The following CATSPERB variants were observed in gnomAD, a reference collection of about 807,000 sequenced individuals.
CATSPERB encodes the protein cation channel sperm-associated auxiliary subunit beta.
A neutral mutation model predicts 128.3 loss-of-function variants in CATSPERB; 93 were observed. The observed-to-expected ratio is 0.72, with a 90% CI of 0.61 to 0.86. The LOEUF (loss-of-function observed/expected upper bound fraction) is 0.86. Among genes scored for constraint, CATSPERB ranks in the 40% least tolerant of loss-of-function variants. CATSPERB has a pLI of 0.00. For missense variants in CATSPERB, 1,153 were observed against 1,329.5 expected, an observed-to-expected ratio of 0.87 and a Z score of 2.06; for synonymous variants, 381 against 448.8, an observed-to-expected ratio of 0.85 and a Z score of 1.91.
intron 20 of CATSPERB, among the ~76,000 whole-genome samples, chr14:91,612,257 G>T (rs10129398): frequency 0.014 from 2,113 of 152,018 alleles, 44 homozygotes; most frequent in African/African-American, 0.048. Context: ...TAGCAATTTT[G>T]AAATGTACAA....
rs1274494120 is a variant in CATSPERB, at chr14:91,704,339, A to G, written c.616+213T>C. 2.0e-5 allele frequency among the ~76,000 whole-genome samples: 3 copies of G among 152,228 alleles called. No individual in the cohort carries two copies. The East Asian group carries it at 5.8e-4, about 29-fold the overall frequency. ...AATTAGGAGACACACTAAAGTCACA[A>G]TTAACATGGCAAAAAGTCACAGTAA... On this transcript the variant is annotated intron_variant, in intron 7 of 26. Transcript: ENST00000256343.
intron 22 of CATSPERB, among the ~76,000 whole-genome samples, chr14:91,597,571 T>G (rs1265463225): frequency 6.6e-6 from 1 of 152,238 alleles, no homozygotes; most frequent in Non-Finnish European, 1.5e-5. Context: ...TTTGCATCAG[T>G]GTGCCTTTGA....
intron 10 of CATSPERB, among the ~76,000 whole-genome samples, chr14:91,690,278 C>T (rs1339549548): frequency 6.6e-6 from 1 of 152,180 alleles, no homozygotes; most frequent in Non-Finnish European, 1.5e-5. Context: ...CAGGCGTGGG[C>T]TATCGCGCCT....
chr14:91,676,399 C>T (rs1895193719), intron 11 of CATSPERB, among the ~76,000 whole-genome samples: 1 of 152,124 alleles, frequency 6.6e-6, no homozygotes, highest in East Asian at 1.9e-4. Flanking sequence ...CAGCTGGTCA[C>T]ATATTATGGT....
chr14:91,639,231 T>A lies in CATSPERB; in HGVS notation c.1452A>T (p.Ala484=). ...STKAGMGRYS[A]VGSVTERIFT... is the part of the protein sequence containing the mutation. ...AAATTCTCTCAGTAACACTTCCGAC[T>A]GCACTGTATCTTCCCATTCCTATTA... Residue 484 remains alanine (A), a synonymous_variant, in exon 16 of 27, where the codon GCA becomes GCT. Transcript: ENST00000256343. 6.2e-7 allele frequency: 1 copy of A among 1,613,652 alleles called. No individual in the cohort carries two copies. The highest frequency in any genetic ancestry group is 8.5e-7 in the Non-Finnish European group (1 of 1,179,784).
Position 91,652,477 on chromosome 14 carries a change from G to A in CATSPERB, c.1432+7360C>T, listed in dbSNP as rs972984096. ...AGTTTGAGACCAGCCTGGCCAACAAGGTGAAACCCTGTCTCTACTAACAAT... is the reference window on the plus strand; with the variant it reads ...AGTTTGAGACCAGCCTGGCCAACAAAGTGAAACCCTGTCTCTACTAACAAT... On this transcript the variant is annotated intron_variant, in intron 15 of 26. Transcript: ENST00000256343. 6.0e-5 allele frequency among the ~76,000 whole-genome samples: 9 copies of A among 149,280 alleles called. No homozygotes were observed. In the East Asian group the frequency reaches 1.4e-3, roughly 23 times the overall value.
chr14:91,678,438 G>C (rs985011713), intron 11 of CATSPERB, among the ~76,000 whole-genome samples: 2 of 152,086 alleles, frequency 1.3e-5, no homozygotes, highest in African/African-American at 4.8e-5. Flanking sequence ...AGAATTCTAA[G>C]GTAAAAGCTA....
intron 11 of CATSPERB, among the ~76,000 whole-genome samples, chr14:91,676,454 A>G (rs980439373): frequency 1.3e-5 from 2 of 152,178 alleles, no homozygotes; most frequent in Non-Finnish European, 2.9e-5. Context: ...TTATAGCAAA[A>G]AAAATTCAGA....
Position 91,605,431 on chromosome 14 carries a change from C to T in CATSPERB, c.2709+2863G>A, listed in dbSNP as rs544268099. ...CTTAGAGAAATATGACCTCCAGAAGCGAAAGTATCAAGAGGTTGGGATGAA... is the reference window on the plus strand; with the variant it reads ...CTTAGAGAAATATGACCTCCAGAAGTGAAAGTATCAAGAGGTTGGGATGAA... On this transcript the variant is annotated intron_variant, in intron 22 of 26. Coordinates refer to ENST00000256343, the MANE Select transcript of CATSPERB (RefSeq NM_024764.4). 4.3e-5 allele frequency: 21 copies of T among 492,672 alleles called. 1 individual carries two copies. Among genetic ancestry groups the T allele is most frequent in the South Asian group, 9.6e-5 (3 of 31,236 alleles). The allele number at this position is 492,672 out of a possible 1,614,324, so 30.5% of individuals were successfully genotyped here.
rs757273789 is a variant in CATSPERB, at chr14:91,636,590, A to G, written c.1588-11T>C. 1.4e-5 allele frequency: 22 copies of G among 1,598,162 alleles called. No individual in the cohort carries two copies. Among genetic ancestry groups the G allele is most frequent in the Non-Finnish European group, 2.6e-6 (3 of 1,173,660 alleles). On this transcript the variant is annotated splice_polypyrimidine_tract_variant and intron_variant, in intron 16 of 26. Coordinates refer to ENST00000256343, the MANE Select transcript of CATSPERB (RefSeq NM_024764.4). ...GCCCATATCTGGAGGCTGGAAACAG[A>G]GAAAAGAAAATATTATATTTAAACT...
intron 17 of CATSPERB, chr14:91,635,646 T>A (rs1389661104): frequency 1.3e-5 from 2 of 152,176 alleles, no homozygotes; most frequent in African/African-American, 4.8e-5. Flanking sequence ...GTGTGAGCCA[T>A]GGCACCCAGC....
At chr14:91,603,110 G>T (rs1893635616) in intron 22 of CATSPERB, 2 of 786,822 alleles carry the variant, frequency 2.5e-6, no homozygotes, top group African/African-American at 3.4e-5. Context: ...CATCTCTCTT[G>T]GAAGTCTTCT....
At chr14:91,634,427 T>C (rs1181456931) in intron 17 of CATSPERB, among the ~76,000 whole-genome samples, 1 of 151,880 alleles carries the variant, frequency 6.6e-6, no homozygotes, top group Non-Finnish European at 1.5e-5. Context: ...AATAAGATTA[T>C]CTACTTAAAA....
intron 14 of CATSPERB, among the ~76,000 whole-genome samples, chr14:91,663,138 A>G (rs997566433): frequency 2.0e-5 from 3 of 152,042 alleles, no homozygotes; most frequent in Non-Finnish European, 4.4e-5. Context: ...GAGGATGCAG[A>G]AAACTTTCTT....
intron 26 of CATSPERB, among the ~76,000 whole-genome samples, chr14:91,586,573 G>GAGAGAA (rs1331960274): frequency 6.3e-5 from 9 of 141,808 alleles, no homozygotes; most frequent in African/African-American, 2.2e-4. Context: ...GAGAGAGAAA[G>GAGAGAA]AGAGAGAGAG....
intron 5 of CATSPERB, among the ~76,000 whole-genome samples, chr14:91,716,712 T>TACACACACACACAC (rs34934524): frequency 1.5e-5 from 2 of 137,536 alleles, no homozygotes; most frequent in Non-Finnish European, 1.6e-5. Flanking sequence ...TTTACAAGCA[T>TACACACACACACAC]ACACACACAC....
rs1001936595 is a variant in CATSPERB at position 91,624,682 on chromosome 14, A to C, written c.1930+138T>G. 13 of 580,652 alleles carry C rather than the reference A, an allele frequency of 2.2e-5. No individual in the cohort carries two copies. In the African/African-American group the frequency reaches 2.5e-4, roughly 11 times the overall value. The allele number at this position is 580,652 out of a possible 1,614,324, so 36.0% of individuals were successfully genotyped here. On this transcript the variant is annotated intron_variant, in intron 18 of 26. Coordinates refer to ENST00000256343, the MANE Select transcript of CATSPERB (RefSeq NM_024764.4). ...AAAAAACTTTCAGGAACCCAAATATATGTAAACTTTGGTAGGTTGCCAGTT... is the reference window on the plus strand; with the variant it reads ...AAAAAACTTTCAGGAACCCAAATATCTGTAAACTTTGGTAGGTTGCCAGTT...
chr14:91,644,345 G>A, intron 15 of CATSPERB, among the ~76,000 whole-genome samples: 1 of 142,102 alleles, frequency 7.0e-6, no homozygotes. Context: ...GCAGCGGCTG[G>A]TACCGGTTGT....
intron 23 of CATSPERB, 68 bp downstream of exon 23, chr14:91,591,823 TA>T: frequency 5.7e-6 from 6 of 1,051,040 alleles, no homozygotes; most frequent in Non-Finnish European, 8.9e-6. Flanking sequence ...ATGTTTAACC[TA>T]AAGGCACATT....
Sources: allele counts gnomAD v4.1 joint callset (sites outside exome capture counted in the v4.1 genomes callset), GRCh38; gene constraint gnomAD v4.1.1; transcripts MANE v1.5; gene names NCBI Gene and HGNC (gene_info 2026-07-23, HGNC 2026-07-21).